Variants in CELSR1 observed in about 807,000 individuals in gnomAD.
CELSR1 encodes the protein cadherin EGF LAG seven-pass G-type receptor 1.
Under a neutral mutation model 249.1 loss-of-function variants are expected in CELSR1, and 110 were observed. That is an observed-to-expected ratio of 0.44 (90% CI 0.38 to 0.52). The LOEUF (loss-of-function observed/expected upper bound fraction) is 0.52. Ranked by LOEUF, CELSR1 falls within the 20% of genes least tolerant of loss-of-function variation. CELSR1 has a pLI of 0.00. For missense variants in CELSR1, 4,109 were observed against 4,296.4 expected (o/e 0.96, Z 1.22); for synonymous variants, 2,113 against 1,900.0 (o/e 1.11, Z -2.92).
At chr22:46,487,124 G>A (rs2080320705) in intron 1 of CELSR1, among the ~76,000 whole-genome samples, 1 of 151,762 alleles carries the variant, frequency 6.6e-6, no homozygotes, top group Non-Finnish European at 1.5e-5. Context: ...GGCACCTTTG[G>A]CTCAGATCTG....
rs2147218994 is a variant in CELSR1 at position 46,381,819 on chromosome 22, C to T, written c.7088+27G>A. The T allele has an allele frequency of 1.3e-6, 2 of 1,534,516 alleles. No individual in the cohort carries two copies. The highest frequency in any genetic ancestry group is 2.4e-5 in the East Asian group (1 of 40,860). On this transcript the variant is annotated intron_variant, in intron 21 of 34. Transcript: ENST00000674500. The surrounding 1 kb of genome is among the most constrained non-coding windows in gnomAD (Gnocchi z 6.0). ...TCAGGAGCCTCCAGAACGGGCCCTCCCCGTGTGCCCCGTGCCCAGGCCTTA... is the reference window on the plus strand; with the variant it reads ...TCAGGAGCCTCCAGAACGGGCCCTCTCCGTGTGCCCCGTGCCCAGGCCTTA...
chr22:46,451,969 C>T (rs1310913498), intron 2 of CELSR1, among the ~76,000 whole-genome samples: 1 of 152,118 alleles, frequency 6.6e-6, no homozygotes, highest in Non-Finnish European at 1.5e-5. Context: ...GAGCCTGGAG[C>T]CAGGCAGCCG....
chr22:46,371,035 T>C (rs1030330813), intron 25 of CELSR1, among the ~76,000 whole-genome samples: 5 of 152,216 alleles, frequency 3.3e-5, no homozygotes, highest in East Asian at 1.9e-4. Context: ...TTCTAGGCCA[T>C]GTTCTTCATC....
rs1230223357 is a variant in CELSR1, at chr22:46,416,102, C to CGGGGGGGGG, written c.4612-4344_4612-4343insCCCCCCCCC. Among the ~76,000 whole-genome samples the CGGGGGGGGG allele has an allele frequency of 4.3e-4, 52 of 122,130 alleles. 3 individuals are homozygous for CGGGGGGGGG. Among genetic ancestry groups the CGGGGGGGGG allele is most frequent in the African/African-American group, 1.1e-3 (32 of 30,118 alleles). The allele number at this position is 122,130 out of a possible 152,430, so 80.1% of individuals were successfully genotyped here. ...AGCTGACGATGAATGGTACAGGTTGCAGAGGGGGGCGGATAAGGAATGAGA... is the reference window on the plus strand; with the variant it reads ...AGCTGACGATGAATGGTACAGGTTGCGGGGGGGGGAGAGGGGGGCGGATAAGGAATGAGA... On this transcript the variant is annotated intron_variant, in intron 5 of 34. Coordinates refer to ENST00000674500, the MANE Select transcript of CELSR1 (RefSeq NM_001378328.1).
chr22:46,502,943 C>T (rs979476013), intron 1 of CELSR1, among the ~76,000 whole-genome samples: 2 of 152,174 alleles, frequency 1.3e-5, no homozygotes, highest in Non-Finnish European at 2.9e-5. Context: ...GTGTGCACCC[C>T]GGGAGCAGGT....
chr22:46,519,234 G>C (rs955553924), intron 1 of CELSR1, among the ~76,000 whole-genome samples: 1 of 152,168 alleles, frequency 6.6e-6, no homozygotes, highest in Admixed American at 6.5e-5. Context: ...ACACCACTGT[G>C]ATGTTCTAAA....
At chr22:46,422,745 C>T (rs570848615) in intron 5 of CELSR1, among the ~76,000 whole-genome samples, 69 of 143,202 alleles carry the variant, frequency 4.8e-4, no homozygotes, top group African/African-American at 1.6e-3. Context: ...CCAGCCTGGG[C>T]GACAGAGCGA....
rs140667892 is a variant in CELSR1, at chr22:46,423,607, GA to G, written c.4611+9785del. ...GCAACAGGAGCGAAACTTCGTCTCA[GA>G]AAAAAAAAAAAAAAAAGACTCCATG... On this transcript the variant is annotated intron_variant, in intron 5 of 34. Coordinates refer to ENST00000674500, the MANE Select transcript of CELSR1 (RefSeq NM_001378328.1). This position sits in a 1 kb window ranked among gnomAD's most constrained non-coding sequence, Gnocchi z 5.6. Among the ~76,000 whole-genome samples, 31,574 of 106,768 alleles carry G rather than the reference GA, an allele frequency of 0.3. 4,847 individuals carry two copies. Among genetic ancestry groups the G allele is most frequent in the African/African-American group, 0.51 (16,105 of 31,664 alleles). 70.0% of individuals were successfully genotyped at this position (106,768 alleles called of 152,430 possible).
chr22:46,381,877 C>T lies in CELSR1; in HGVS notation c.7057G>A (p.Glu2353Lys), dbSNP rs563550047. Residue 2353 changes from glutamate to lysine, a missense_variant, in exon 21 of 35, where the codon GAG becomes AAG. By Grantham distance (56) the Glu-to-Lys change is moderately conservative. Coordinates refer to ENST00000674500, the MANE Select transcript of CELSR1 (RefSeq NM_001378328.1). This position sits in a 1 kb window ranked among gnomAD's most constrained non-coding sequence, Gnocchi z 6.0. ...IYRTLGQLLPERYDPDRRSLR... is the reference protein window; with the variant it reads ...IYRTLGQLLPKRYDPDRRSLR... Reference sequence around the variant, plus strand: ...CTGCGACGGTCGGGGTCGTAGCGCTCGGGCAGGAGCTGCCCCAGGGTGCGG... The same window carrying T: ...CTGCGACGGTCGGGGTCGTAGCGCTTGGGCAGGAGCTGCCCCAGGGTGCGG... 1.3e-5 allele frequency: 21 copies of T among 1,570,716 alleles called. No individual in the cohort carries two copies. Among genetic ancestry groups the T allele is most frequent in the African/African-American group, 5.4e-5 (4 of 74,176 alleles).
At chr22:46,457,575 T>G (rs2079971120) in intron 2 of CELSR1, among the ~76,000 whole-genome samples, 1 of 152,058 alleles carries the variant, frequency 6.6e-6, no homozygotes, top group African/African-American at 2.4e-5. Flanking sequence ...GAGCTGCCAC[T>G]CAGGAATGCG....
At position 46,445,555 on chromosome 22, in the gene CELSR1, G is replaced by A. The variant is rs764897484; in HGVS notation, c.4184-6144C>T. ...GATTTAGGGTCCACCCTAAATCCAC[G>A]ATGACTTAAGGACCCAAACTCATTA... On this transcript the variant is annotated intron_variant, in intron 2 of 34. Coordinates refer to ENST00000674500, the MANE Select transcript of CELSR1 (RefSeq NM_001378328.1). The surrounding 1 kb of genome is among the most constrained non-coding windows in gnomAD (Gnocchi z 4.4). Among the ~76,000 whole-genome samples, 23 of 152,082 alleles carry A rather than the reference G, an allele frequency of 1.5e-4. No individual in the cohort carries two copies. The highest frequency in any genetic ancestry group is 2.5e-4 in the Non-Finnish European group (17 of 68,020).
rs2079165358 is a variant in CELSR1 at position 46,397,729 on chromosome 22, G to A, written c.5646C>T (p.Pro1882=). 4 of 1,589,398 alleles carry A rather than the reference G, an allele frequency of 2.5e-6. No homozygotes were observed. The highest frequency in any genetic ancestry group is 2.3e-5 in the South Asian group (2 of 87,130). ...VDDPCTSSPC[P]PNSRCHDAWE... ...AGGCGTCGTGGCAGCGGCTATTGGGGGGACAGGGGCTCGAGGTACAGGGGT... is the reference window on the plus strand; with the variant it reads ...AGGCGTCGTGGCAGCGGCTATTGGGAGGACAGGGGCTCGAGGTACAGGGGT... Residue 1882 remains proline (P), a synonymous_variant, in exon 12 of 35, where the codon CCC becomes CCT. Transcript: ENST00000674500.
chr22:46,456,434 C>A (rs1453594037), intron 2 of CELSR1, among the ~76,000 whole-genome samples: 1 of 151,984 alleles, frequency 6.6e-6, no homozygotes, highest in Non-Finnish European at 1.5e-5. Flanking sequence ...CCAAGGCGGG[C>A]AGATCACGAG....
intron 1 of CELSR1, among the ~76,000 whole-genome samples, chr22:46,494,554 G>A (rs1397190445): frequency 3.3e-5 from 5 of 151,964 alleles, no homozygotes; most frequent in Non-Finnish European, 5.9e-5. Context: ...TGTTGCCCAG[G>A]CTGGAATGCA....
intron 1 of CELSR1, among the ~76,000 whole-genome samples, chr22:46,525,175 G>C (rs981636197): frequency 6.6e-6 from 1 of 152,224 alleles, no homozygotes; most frequent in Non-Finnish European, 1.5e-5. Context: ...ACGGCTGGGC[G>C]TGGTGGCTCA....
chr22:46,440,529 C>G lies in CELSR1; in HGVS notation c.4184-1118G>C, dbSNP rs1215761709. 6.6e-6 allele frequency among the ~76,000 whole-genome samples: 1 copy of G among 152,198 alleles called. No homozygotes were observed. Among genetic ancestry groups the G allele is most frequent in the Non-Finnish European group, 1.5e-5 (1 of 68,040 alleles). ...GATCAATCTTTAAAATATTTTGCAT[C>G]TCTGACAAATGGATCTCAACGATCT... On this transcript the variant is annotated intron_variant, in intron 2 of 34. Transcript: ENST00000674500. The surrounding 1 kb of genome is among the most constrained non-coding windows in gnomAD (Gnocchi z 4.7).
chr22:46,482,530 G>A (rs1156927139), intron 1 of CELSR1, among the ~76,000 whole-genome samples: 2 of 152,096 alleles, frequency 1.3e-5, no homozygotes, highest in Non-Finnish European at 2.9e-5. Context: ...AGCACATAGA[G>A]GTTAAGTGAC....
In CELSR1 at chr22:46,411,208, C is replaced by T. The variant is rs111331981; in HGVS notation, c.4769+394G>A. Among the ~76,000 whole-genome samples, 1,614 of 152,122 alleles carry T rather than the reference C, an allele frequency of 0.011. 28 individuals are homozygous for T. The highest frequency in any genetic ancestry group is 0.061 in the Middle Eastern group (18 of 294). ...AGCGAGACCCCATCTCAGAAAAAAA[C>T]AAAACAACAACAAAAAAACATAAGC... On this transcript the variant is annotated intron_variant, in intron 6 of 34. Coordinates refer to ENST00000674500, the MANE Select transcript of CELSR1 (RefSeq NM_001378328.1). This position sits in a 1 kb window ranked among gnomAD's most constrained non-coding sequence, Gnocchi z 4.2.
In CELSR1 at chr22:46,411,594, A is replaced by C; in HGVS notation, c.4769+8T>G. The C allele has an allele frequency of 6.2e-7, 1 of 1,614,020 alleles. No homozygotes were observed. On this transcript the variant is annotated splice_region_variant and intron_variant, in intron 6 of 34. Transcript: ENST00000674500. The surrounding 1 kb of genome is among the most constrained non-coding windows in gnomAD (Gnocchi z 4.2). ...GACCCCCAGGGCCTCCCCTCCTGGG[A>C]TGCTCACTTCTTGGAGCCGGTCTGA...
Sources: gnomAD v4.1 joint callset for allele counts (sites outside exome capture counted in the v4.1 genomes callset) on GRCh38, gnomAD v4.1.1 for gene constraint, Gnocchi (gnomAD v3.1) non-coding constraint, MANE v1.5 for transcripts, NCBI Gene and HGNC (gene_info 2026-07-23, HGNC 2026-07-21) for gene names.